Variants in MAGI1 observed in about 807,000 individuals in gnomAD.
The protein encoded by MAGI1 is membrane-associated guanylate kinase, WW and PDZ domain-containing protein 1.
A neutral mutation model predicts 139.9 loss-of-function variants in MAGI1; 58 were observed. That is an observed-to-expected ratio of 0.41 (90% confidence interval 0.34 to 0.52). The LOEUF (loss-of-function observed/expected upper bound fraction) is 0.52. Among genes scored for constraint, MAGI1 ranks in the 20% least tolerant of loss-of-function variants. The probability of loss-of-function intolerance (pLI) is 0.12; values close to 1 mark genes in which losing one functional copy is unlikely to be tolerated. For synonymous variants in MAGI1, 812 were observed against 737.9 expected (o/e 1.10, Z -1.63); for missense variants, 1,874 against 1,901.6 (o/e 0.99, Z 0.27).
At chr3:65,848,607 G>A (rs1480302006) in intron 1 of MAGI1, among the ~76,000 whole-genome samples, 4 of 150,010 alleles carry the variant, frequency 2.7e-5, no homozygotes, top group Non-Finnish European at 5.9e-5. Flanking sequence ...TTCTTTCTAA[G>A]CTGAGAGTTT....
At chr3:65,548,511 C>CTTTTTTTTTTTTTTTTTTTTTTTTTTTTT (rs1170215972) in intron 2 of MAGI1, among the ~76,000 whole-genome samples, 2 of 87,388 alleles carry the variant, frequency 2.3e-5, no homozygotes, top group African/African-American at 9.4e-5. Context: ...AAACAACACT[C>CTTTTTTTTTTTTTTTTTTTTTTTTTTTTT]TTTTTTTTTT....
chr3:65,531,640 A>G (rs1336070248), intron 2 of MAGI1, among the ~76,000 whole-genome samples: 1 of 152,150 alleles, frequency 6.6e-6, no homozygotes, highest in Non-Finnish European at 1.5e-5. Context: ...TGCTCAGATG[A>G]AGCACTTAGG....
At chr3:65,876,502 A>G (rs1331079286) in intron 1 of MAGI1, among the ~76,000 whole-genome samples, 1 of 152,164 alleles carries the variant, frequency 6.6e-6, no homozygotes, top group East Asian at 1.9e-4. Context: ...CAACTTCTTT[A>G]CCAGGGATAA....
At chr3:65,959,981 T>C (rs2064344919) in intron 1 of MAGI1, among the ~76,000 whole-genome samples, 1 of 151,356 alleles carries the variant, frequency 6.6e-6, no homozygotes, top group South Asian at 2.1e-4. Flanking sequence ...AATTTTTTTG[T>C]ATTTTTTAGT....
In MAGI1 at chr3:65,790,778, C is replaced by A. The variant is rs368123478; in HGVS notation, c.314-168690G>T. Among the ~76,000 whole-genome samples, 3 of 152,156 alleles carry A rather than the reference C, an allele frequency of 2.0e-5. No homozygotes were observed. In the East Asian group the frequency reaches 5.8e-4, roughly 29 times the overall value. ...GTTCTATAGTTGTACAAGGCTGGTA[C>A]AACGAAGATTGTGCAGGCTGGCACG... On this transcript the variant is annotated intron_variant, in intron 1 of 22. Transcript: ENST00000402939.
At chr3:65,927,711 G>T (rs1006245432) in intron 1 of MAGI1, among the ~76,000 whole-genome samples, 2 of 152,154 alleles carry the variant, frequency 1.3e-5, no homozygotes, top group African/African-American at 4.8e-5. Flanking sequence ...CCTGTGGAAA[G>T]GGACTGTGGT....
chr3:65,713,176 G>A, intron 1 of MAGI1, among the ~76,000 whole-genome samples: 1 of 152,228 alleles, frequency 6.6e-6, no homozygotes, highest in African/African-American at 2.4e-5. Context: ...CTGTTTGTGG[G>A]CATAAAACAT....
At chr3:65,895,525 A>G (rs78251375) in intron 1 of MAGI1, among the ~76,000 whole-genome samples, 2,802 of 152,314 alleles carry the variant, frequency 0.018, 82 homozygotes, top group African/African-American at 0.064. Context: ...CTTTGTCTTC[A>G]AACAATAATC....
At chr3:65,821,345 T>C (rs959252018) in intron 1 of MAGI1, among the ~76,000 whole-genome samples, 7 of 152,108 alleles carry the variant, frequency 4.6e-5, no homozygotes, top group Non-Finnish European at 2.9e-5. Context: ...TCATAGCATA[T>C]ATGTTTATGT....
At chr3:65,852,542 TGCCC>T in intron 1 of MAGI1, among the ~76,000 whole-genome samples, 1 of 151,646 alleles carries the variant, frequency 6.6e-6, no homozygotes. Context: ...TCACTCTTAT[TGCCC>T]AGGCTGGAGC....
chr3:65,743,308 A>T (rs1191353184), intron 1 of MAGI1, among the ~76,000 whole-genome samples: 1 of 152,226 alleles, frequency 6.6e-6, no homozygotes, highest in Non-Finnish European at 1.5e-5. Context: ...GATATAGTCT[A>T]GAAGATTCCT....
intron 13 of MAGI1, 67 bp downstream of exon 13, chr3:65,401,372 T>G: frequency 9.3e-5 from 72 of 778,176 alleles, no homozygotes; most frequent in Middle Eastern, 3.9e-4. Flanking sequence ...CAGAGTACCC[T>G]CCCACCTCCA....
chr3:65,585,238 A>G (rs931372545), intron 2 of MAGI1, among the ~76,000 whole-genome samples: 29 of 152,218 alleles, frequency 1.9e-4, no homozygotes, highest in African/African-American at 7.0e-4. Flanking sequence ...TGAAAATAAG[A>G]TATCATCTTG....
chr3:65,850,400 G>A (rs1031300071), intron 1 of MAGI1, among the ~76,000 whole-genome samples: 1 of 152,054 alleles, frequency 6.6e-6, no homozygotes, highest in South Asian at 2.1e-4. Flanking sequence ...TGCATCCCAG[G>A]AACACTCTCA....
intron 2 of MAGI1, among the ~76,000 whole-genome samples, chr3:65,554,085 G>A (rs1371566473): frequency 6.6e-6 from 1 of 151,986 alleles, no homozygotes; most frequent in Non-Finnish European, 1.5e-5. Flanking sequence ...CTGTATATCT[G>A]TTTAGGTATT....
chr3:65,812,031 C>T (rs114832567), intron 1 of MAGI1, among the ~76,000 whole-genome samples: 1 of 151,898 alleles, frequency 6.6e-6, no homozygotes, highest in Non-Finnish European at 1.5e-5. Flanking sequence ...CACAAAAACT[C>T]GGCGGGAGAG....
At chr3:65,702,380 T>C (rs374524050) in intron 1 of MAGI1, among the ~76,000 whole-genome samples, 1 of 152,126 alleles carries the variant, frequency 6.6e-6, no homozygotes, top group African/African-American at 2.4e-5. Context: ...AGGTCAATGT[T>C]GTAATTTATC....
At chr3:65,777,790 G>A (rs184567682) in intron 1 of MAGI1, among the ~76,000 whole-genome samples, 162 of 152,236 alleles carry the variant, frequency 1.1e-3, no homozygotes, top group African/African-American at 3.6e-3. Flanking sequence ...CTGGACCTCC[G>A]TGTGAACAAT....
intron 2 of MAGI1, among the ~76,000 whole-genome samples, chr3:65,566,440 T>C (rs541276702): frequency 2.9e-4 from 44 of 152,062 alleles, no homozygotes; most frequent in African/African-American, 1.0e-3. Flanking sequence ...CTCACCTTTT[T>C]TTTTTTTCCA....
Sources: gnomAD v4.1 joint callset for allele counts (sites outside exome capture counted in the v4.1 genomes callset) on GRCh38, gnomAD v4.1.1 for gene constraint, MANE v1.5 for transcripts, NCBI Gene and HGNC (gene_info 2026-07-23, HGNC 2026-07-21) for gene names.